NKAIN2: variants seen among roughly 807,000 people sequenced by gnomAD.
NKAIN2 encodes the protein sodium/potassium-transporting ATPase subunit beta-1-interacting protein 2.
In NKAIN2, 14 loss-of-function variants were observed where a neutral mutation model predicts 32.6. The observed-to-expected ratio is 0.43, with a 90% CI of 0.28 to 0.67. The LOEUF (loss-of-function observed/expected upper bound fraction) is 0.67. Ranked by LOEUF, NKAIN2 falls within the 30% of genes least tolerant of loss-of-function variation. The pLI is 0.17. For synonymous variants in NKAIN2, 80 were observed against 87.2 expected, an observed-to-expected ratio of 0.92 and a Z score of 0.46; for missense variants, 198 against 258.3, an observed-to-expected ratio of 0.77 and a Z score of 1.60.
intron 3 of NKAIN2, among the ~76,000 whole-genome samples, chr6:124,487,149 G>T (rs1368342526): frequency 6.6e-6 from 1 of 151,998 alleles, no homozygotes; most frequent in African/African-American, 2.4e-5. Context: ...TTTTTGGTCA[G>T]TGTTCCCAGA....
At position 124,412,901 on chromosome 6, in the gene NKAIN2, C is replaced by T. The variant is rs541854722; in HGVS notation, c.273+57554C>T. Among the ~76,000 whole-genome samples, 40 of 152,288 alleles carry T rather than the reference C, an allele frequency of 2.6e-4. No homozygotes were observed. In the South Asian group the frequency reaches 2.9e-3, roughly 11 times the overall value. ...GGCGCCCCTCCCCGAGCCTCCCTGT[C>T]ACCTTGCAGCTTGATCTGAGACTGT... On this transcript the variant is annotated intron_variant, in intron 3 of 6. Coordinates refer to ENST00000368417, the MANE Select transcript of NKAIN2 (RefSeq NM_001040214.3).
chr6:124,762,463 C>T (rs1275445249), intron 4 of NKAIN2, among the ~76,000 whole-genome samples: 1 of 151,958 alleles, frequency 6.6e-6, no homozygotes, highest in Non-Finnish European at 1.5e-5. Context: ...GGGAGGGGCA[C>T]AATTCACTTT....
At chr6:124,502,691 C>T (rs1344407433) in intron 3 of NKAIN2, among the ~76,000 whole-genome samples, 3 of 152,140 alleles carry the variant, frequency 2.0e-5, no homozygotes, top group Non-Finnish European at 4.4e-5. Context: ...GATCTTCCCT[C>T]ATTTTTTTCA....
At chr6:124,397,121 A>G (rs1339437795) in intron 3 of NKAIN2, among the ~76,000 whole-genome samples, 1 of 152,042 alleles carries the variant, frequency 6.6e-6, no homozygotes, top group Non-Finnish European at 1.5e-5. Flanking sequence ...TAATTATTTA[A>G]TATATCCCTA....
At chr6:124,337,706 G>C (rs1797937362) in intron 2 of NKAIN2, among the ~76,000 whole-genome samples, 1 of 152,072 alleles carries the variant, frequency 6.6e-6, no homozygotes, top group Non-Finnish European at 1.5e-5. Flanking sequence ...CAGACTCCTG[G>C]GGAACTCTAG....
chr6:123,994,879 A>G, intron 1 of NKAIN2, among the ~76,000 whole-genome samples: 1 of 152,182 alleles, frequency 6.6e-6, no homozygotes, highest in East Asian at 1.9e-4. Flanking sequence ...CATCATAACA[A>G]CATCCCAGGA....
chr6:124,243,381 G>C (rs1390395774), intron 1 of NKAIN2, among the ~76,000 whole-genome samples: 1 of 151,986 alleles, frequency 6.6e-6, no homozygotes, highest in Non-Finnish European at 1.5e-5. Flanking sequence ...TGTAGTCCTA[G>C]CTACTTGGCA....
At chr6:124,725,475 T>C (rs1776232163) in intron 4 of NKAIN2, among the ~76,000 whole-genome samples, 1 of 152,178 alleles carries the variant, frequency 6.6e-6, no homozygotes, top group East Asian at 1.9e-4. Context: ...CCCTGTTCTA[T>C]TTTTAAAACT....
At chr6:124,764,247 A>AT (rs35682449) in intron 4 of NKAIN2, among the ~76,000 whole-genome samples, 70,182 of 152,028 alleles carry the variant, frequency 0.46, 17,302 homozygotes, top group Non-Finnish European at 0.52. Flanking sequence ...ACACAGGCAG[A>AT]TTTTTTATAG....
intron 4 of NKAIN2, among the ~76,000 whole-genome samples, chr6:124,754,527 T>C (rs1309918571): frequency 6.6e-6 from 1 of 152,008 alleles, no homozygotes; most frequent in Non-Finnish European, 1.5e-5. Context: ...AACAATTATG[T>C]GGAAAACAAG....
chr6:124,295,435 A>C (rs1796007592), intron 2 of NKAIN2, among the ~76,000 whole-genome samples: 1 of 152,148 alleles, frequency 6.6e-6, no homozygotes, highest in Non-Finnish European at 1.5e-5. Context: ...AGTAAAACTA[A>C]GACAAACAGC....
intron 3 of NKAIN2, among the ~76,000 whole-genome samples, chr6:124,558,948 TCAAACAAA>T (rs3053603): frequency 5.3e-5 from 8 of 150,022 alleles, no homozygotes; most frequent in African/African-American, 1.5e-4. Context: ...AAACTCCATC[TCAAACAAA>T]CAAACAAACA....
At chr6:123,987,763 T>C (rs1779209595) in intron 1 of NKAIN2, among the ~76,000 whole-genome samples, 1 of 152,184 alleles carries the variant, frequency 6.6e-6, no homozygotes, top group African/African-American at 2.4e-5. Context: ...ACACTTTGAA[T>C]CAATCTCCCA....
intron 2 of NKAIN2, among the ~76,000 whole-genome samples, chr6:124,311,703 C>A (rs1328462683): frequency 1.3e-5 from 2 of 152,050 alleles, no homozygotes. Context: ...CTCAGTAGAG[C>A]CCATTCTTAA....
At chr6:124,723,316 CA>C (rs2114637486) in intron 4 of NKAIN2, among the ~76,000 whole-genome samples, 1 of 152,302 alleles carries the variant, frequency 6.6e-6, no homozygotes, top group South Asian at 2.1e-4. Context: ...TGAACGTTAC[CA>C]TTATCATCAC....
At chr6:124,474,833 C>CATATATAATCTATACATATATATTTTAT (rs1562207570) in intron 3 of NKAIN2, among the ~76,000 whole-genome samples, 1 of 100,782 alleles carries the variant, frequency 9.9e-6, no homozygotes, top group African/African-American at 4.2e-5. Context: ...ATATATTTTA[C>CATATATAATCTATACATATATATTTTAT]ATACATATAT....
At chr6:123,946,450 T>G (rs1412081554) in intron 1 of NKAIN2, among the ~76,000 whole-genome samples, 6 of 152,176 alleles carry the variant, frequency 3.9e-5, no homozygotes, top group Non-Finnish European at 7.3e-5. Context: ...AAATTCTCAC[T>G]GTGTTAATGA....
chr6:124,241,183 A>G (rs1207902765), intron 1 of NKAIN2, among the ~76,000 whole-genome samples: 1 of 152,172 alleles, frequency 6.6e-6, no homozygotes, highest in African/African-American at 2.4e-5. Context: ...TACAACTTAC[A>G]AGGAATGTAA....
Position 124,806,815 on chromosome 6 carries a change from C to CA in NKAIN2, c.536-11565dup, listed in dbSNP as rs527440964. Among the ~76,000 whole-genome samples the CA allele has an allele frequency of 6.4e-5, 9 of 139,718 alleles. No homozygotes were observed. In the East Asian group the frequency reaches 1.5e-3, roughly 24 times the overall value. 91.7% of individuals were successfully genotyped at this position (139,718 alleles called of 152,430 possible). A position where few individuals can be genotyped will look rare whatever the true frequency, so the allele number is the denominator to read the frequency against. ...GAAGATCTACCAAGCAAATGGAAAA[C>CA]AAAAAAAGGCAGGGGTTGCAATCCT... On this transcript the variant is annotated intron_variant, in intron 5 of 6. Transcript: ENST00000368417.
Sources: gnomAD v4.1 joint callset for allele counts (sites outside exome capture counted in the v4.1 genomes callset) on GRCh38, gnomAD v4.1.1 for gene constraint, MANE v1.5 for transcripts, NCBI Gene and HGNC (gene_info 2026-07-23, HGNC 2026-07-21) for gene names.